Variants in MYRIP observed in about 807,000 individuals in gnomAD.
MYRIP encodes myosin VIIA and Rab interacting protein, also known as rab effector MyRIP.
MYRIP carries 49 observed loss-of-function variants against 98.0 expected under a neutral mutation model. The ratio of observed to expected loss-of-function variants is 0.50; its 90% CI spans 0.40 to 0.63. The LOEUF is 0.63. Among genes scored for constraint, MYRIP ranks in the 30% least tolerant of loss-of-function variants. The probability of loss-of-function intolerance (pLI) is 0.00; values close to 1 mark genes in which losing one functional copy is unlikely to be tolerated. For missense variants in MYRIP, 1,004 were observed against 1,058.2 expected, an observed-to-expected ratio of 0.95 and a Z score of 0.71; for synonymous variants, 404 against 409.5, an observed-to-expected ratio of 0.99 and a Z score of 0.16.
At chr3:39,884,456 G>A (rs1943236900) in intron 1 of MYRIP, among the ~76,000 whole-genome samples, 2 of 152,070 alleles carry the variant, frequency 1.3e-5, no homozygotes, top group South Asian at 2.1e-4. Context: ...TTAATGGTTG[G>A]ACTTTGAGTA....
chr3:40,223,832 T>G (rs1220765097), intron 11 of MYRIP, among the ~76,000 whole-genome samples: 1 of 152,112 alleles, frequency 6.6e-6, no homozygotes, highest in Non-Finnish European at 1.5e-5. Flanking sequence ...GAGACAGTGG[T>G]AAACATGTAG....
chr3:39,984,207 AT>A (rs1945970377), intron 2 of MYRIP, among the ~76,000 whole-genome samples: 1 of 151,116 alleles, frequency 6.6e-6, no homozygotes, highest in Admixed American at 6.6e-5. Context: ...ATTTTATTTT[AT>A]TTTATTTTAT....
At chr3:40,155,812 G>A (rs1950222145) in intron 4 of MYRIP, among the ~76,000 whole-genome samples, 2 of 152,148 alleles carry the variant, frequency 1.3e-5, no homozygotes, top group African/African-American at 4.8e-5. Flanking sequence ...GTCTGTTCAT[G>A]TCCTTTGACC....
rs190356024 is a variant in MYRIP, at chr3:39,913,158, C to T, written c.110+12232C>T. Among the ~76,000 whole-genome samples, 1,168 of 151,998 alleles carry T rather than the reference C, an allele frequency of 7.7e-3. 42 individuals are homozygous for T. Among genetic ancestry groups the T allele is most frequent in the Admixed American group, 0.064 (984 of 15,290 alleles). On this transcript the variant is annotated intron_variant, in intron 2 of 16. Coordinates refer to ENST00000302541, the MANE Select transcript of MYRIP (RefSeq NM_015460.4). The stretch of plus-strand genomic sequence containing the variant: ...CAGAAAATACACATGGAGAGTCATG[C>T]CTCAGGGATACACTAAGAGCCCTAC...
chr3:40,165,048 A>C (rs942963758), intron 5 of MYRIP, among the ~76,000 whole-genome samples: 1 of 152,232 alleles, frequency 6.6e-6, no homozygotes, highest in Non-Finnish European at 1.5e-5. Flanking sequence ...AAATTTGTAG[A>C]TCTTTTCTGT....
intron 3 of MYRIP, among the ~76,000 whole-genome samples, chr3:40,064,692 G>C (rs1199610190): frequency 6.6e-6 from 1 of 152,166 alleles, no homozygotes; most frequent in Non-Finnish European, 1.5e-5. Context: ...TTGAGCTGAT[G>C]ATCTGTTCTC....
At chr3:39,941,499 G>GTA (rs1297135037) in intron 2 of MYRIP, among the ~76,000 whole-genome samples, 5 of 146,364 alleles carry the variant, frequency 3.4e-5, no homozygotes, top group African/African-American at 1.3e-4. Flanking sequence ...ATGTGTGTGT[G>GTA]TGTGTGTGTG....
intron 2 of MYRIP, among the ~76,000 whole-genome samples, chr3:39,905,473 G>A (rs1411615198): frequency 1.3e-5 from 2 of 152,080 alleles, no homozygotes; most frequent in African/African-American, 4.8e-5. Flanking sequence ...TGTTCTACTA[G>A]TCATCTTTCA....
rs868293378 is a variant in MYRIP, at chr3:40,160,595, C to G, written c.470-2135C>G. Among the ~76,000 whole-genome samples the G allele has an allele frequency of 7.8e-4, 119 of 152,300 alleles. 1 individual carries two copies. Among genetic ancestry groups the G allele is most frequent in the African/African-American group, 2.4e-3 (100 of 41,548 alleles). ...ATGGCGGGCGCCCCTCCCCCAGCCT[C>G]GCTGCCACCTTGCAGTTTGATCTCA... is the stretch of plus-strand genomic sequence containing the variant. On this transcript the variant is annotated intron_variant, in intron 4 of 16. Coordinates refer to ENST00000302541, the MANE Select transcript of MYRIP (RefSeq NM_015460.4).
At chr3:39,927,318 G>T (rs1474119764) in intron 2 of MYRIP, among the ~76,000 whole-genome samples, 2 of 151,824 alleles carry the variant, frequency 1.3e-5, no homozygotes, top group African/African-American at 4.8e-5. Flanking sequence ...CCTTTTATTT[G>T]CTTCTCTTGC....
chr3:40,014,358 A>G (rs1286713247), intron 2 of MYRIP, among the ~76,000 whole-genome samples: 1 of 152,256 alleles, frequency 6.6e-6, no homozygotes, highest in Non-Finnish European at 1.5e-5. Context: ...AATTTACAAA[A>G]TAATGGTTTT....
intron 8 of MYRIP, among the ~76,000 whole-genome samples, chr3:40,174,925 C>T (rs369544350): frequency 3.3e-5 from 5 of 152,066 alleles, no homozygotes; most frequent in African/African-American, 4.8e-5. Flanking sequence ...AAATGGATCA[C>T]GTGGTCAGGA....
chr3:40,036,013 A>T (rs1305546730), intron 2 of MYRIP, among the ~76,000 whole-genome samples: 1 of 151,976 alleles, frequency 6.6e-6, no homozygotes, highest in Non-Finnish European at 1.5e-5. Flanking sequence ...GGAGACATGG[A>T]AGAACAGAAA....
intron 3 of MYRIP, among the ~76,000 whole-genome samples, chr3:40,131,673 C>G (rs1230587855): frequency 6.6e-6 from 1 of 152,116 alleles, no homozygotes; most frequent in Non-Finnish European, 1.5e-5. Context: ...TAAAGTTACC[C>G]ATAATACCAC....
intron 2 of MYRIP, among the ~76,000 whole-genome samples, chr3:39,997,605 A>G (rs570472422): frequency 6.6e-6 from 1 of 152,336 alleles, no homozygotes; most frequent in Admixed American, 6.5e-5. Flanking sequence ...TACCAGAGGT[A>G]CAAGGAGGAG....
intron 11 of MYRIP, among the ~76,000 whole-genome samples, chr3:40,212,617 C>T (rs560100476): frequency 6.6e-6 from 1 of 152,158 alleles, no homozygotes; most frequent in Admixed American, 6.5e-5. Flanking sequence ...AAAAAATTAG[C>T]CAGGCTTGGT....
At chr3:40,013,157 T>C (rs548832729) in intron 2 of MYRIP, among the ~76,000 whole-genome samples, 1 of 152,304 alleles carries the variant, frequency 6.6e-6, no homozygotes, top group South Asian at 2.1e-4. Context: ...CACCTTTCTC[T>C]ATTGTGTCTT....
chr3:39,925,091 G>C (rs898129714), intron 2 of MYRIP, among the ~76,000 whole-genome samples: 1 of 149,886 alleles, frequency 6.7e-6, no homozygotes, highest in Non-Finnish European at 1.5e-5. Context: ...CAGAAGGAAG[G>C]AAATAATAAG....
intron 2 of MYRIP, among the ~76,000 whole-genome samples, chr3:39,983,875 TA>T (rs1945955320): frequency 6.6e-6 from 1 of 152,212 alleles, no homozygotes; most frequent in Non-Finnish European, 1.5e-5. Flanking sequence ...TGTCAGGAAA[TA>T]ATACCCCCTG....
Sources: allele counts gnomAD v4.1 joint callset (sites outside exome capture counted in the v4.1 genomes callset), GRCh38; gene constraint gnomAD v4.1.1; transcripts MANE v1.5; gene names NCBI Gene and HGNC (gene_info 2026-07-23, HGNC 2026-07-21).